The following TANC1 variants were observed in gnomAD, a reference collection of about 807,000 sequenced individuals.
TANC1 encodes protein TANC1.
In TANC1, 77 loss-of-function variants were observed where a neutral mutation model predicts 149.7. The observed-to-expected ratio is 0.51, with a 90% CI of 0.43 to 0.62. The LOEUF is 0.62. Among genes scored for constraint, TANC1 ranks in the 20% least tolerant of loss-of-function variants. The pLI is 0.00. For missense variants in TANC1, 1,985 were observed against 2,321.8 expected, an observed-to-expected ratio of 0.85 and a Z score of 2.98; for synonymous variants, 854 against 925.0, an observed-to-expected ratio of 0.92 and a Z score of 1.39.
intron 4 of TANC1, among the ~76,000 whole-genome samples, chr2:159,100,982 T>C (rs963544166): frequency 2.0e-5 from 3 of 152,180 alleles, no homozygotes; most frequent in Non-Finnish European, 4.4e-5. Context: ...CAATACAGTG[T>C]GTCTGCAGCA....
chr2:159,009,463 G>C (rs1367930238), intron 2 of TANC1, among the ~76,000 whole-genome samples: 3 of 152,184 alleles, frequency 2.0e-5, no homozygotes, highest in Admixed American at 6.5e-5. Context: ...TGAGGTTGGA[G>C]GACACTATGT....
intron 2 of TANC1, among the ~76,000 whole-genome samples, chr2:159,057,206 T>A (rs982265998): frequency 1.3e-5 from 2 of 152,336 alleles, no homozygotes; most frequent in South Asian, 4.1e-4. Context: ...TGAGCCACCA[T>A]GCCCAGCCAG....
At chr2:159,078,740 G>A (rs1343293374) in intron 3 of TANC1, among the ~76,000 whole-genome samples, 1 of 152,180 alleles carries the variant, frequency 6.6e-6, no homozygotes, top group Non-Finnish European at 1.5e-5. Context: ...TCTGGAAGCA[G>A]CATCTTAAGG....
intron 5 of TANC1, among the ~76,000 whole-genome samples, chr2:159,137,291 T>C (rs2050862947): frequency 6.6e-6 from 1 of 152,020 alleles, no homozygotes; most frequent in South Asian, 2.1e-4. Context: ...GACAATATAC[T>C]GGAGTGGTGG....
At chr2:159,086,094 T>C (rs973277181) in intron 3 of TANC1, among the ~76,000 whole-genome samples, 1 of 152,172 alleles carries the variant, frequency 6.6e-6, no homozygotes, top group Non-Finnish European at 1.5e-5. Context: ...ACTATTAACA[T>C]AGACGTGACA....
chr2:159,208,919 T>C (rs185763477), intron 19 of TANC1, among the ~76,000 whole-genome samples: 42 of 152,388 alleles, frequency 2.8e-4, no homozygotes, highest in African/African-American at 9.6e-4. Context: ...CATATTGCTG[T>C]ACTGAATACT....
At chr2:159,099,579 C>CTG (rs1272823794) in intron 4 of TANC1, among the ~76,000 whole-genome samples, 7 of 151,098 alleles carry the variant, frequency 4.6e-5, no homozygotes, top group Non-Finnish European at 8.9e-5. Context: ...TCTCCTAGGT[C>CTG]TGTGTGTGTG....
chr2:159,137,973 T>C (rs969342313), intron 5 of TANC1, among the ~76,000 whole-genome samples: 4 of 152,228 alleles, frequency 2.6e-5, no homozygotes, highest in Non-Finnish European at 2.9e-5. Context: ...TTATAAATAG[T>C]TCCTATTGTT....
chr2:158,970,531 C>T (rs921178950), intron 1 of TANC1, among the ~76,000 whole-genome samples: 38 of 152,154 alleles, frequency 2.5e-4, no homozygotes, highest in African/African-American at 8.9e-4. Context: ...AGGGACCTTC[C>T]CTAGAGTATG....
intron 1 of TANC1, among the ~76,000 whole-genome samples, chr2:158,985,534 A>C (rs1573964239): frequency 6.6e-6 from 1 of 152,214 alleles, no homozygotes; most frequent in East Asian, 1.9e-4. Flanking sequence ...CATAGTGCCA[A>C]AGGTGGACTG....
rs113855924 is a variant in TANC1, at chr2:159,033,677, C to T, written c.-15-32219C>T. Among the ~76,000 whole-genome samples the T allele has an allele frequency of 2.6e-4, 40 of 152,252 alleles. 1 individual carries two copies. The highest frequency in any genetic ancestry group is 8.9e-4 in the African/African-American group (37 of 41,542). ...AGCAAGCAGGTATTCCTAAGAATGA[C>T]GGGACATGGGAGTGACAATAGGGTT... On this transcript the variant is annotated intron_variant, in intron 2 of 26. Coordinates refer to ENST00000263635, the MANE Select transcript of TANC1 (RefSeq NM_033394.3).
At position 159,205,191 on chromosome 2, in the gene TANC1, C is replaced by T. The variant is rs142272541; in HGVS notation, c.3244+6138C>T. Among the ~76,000 whole-genome samples the T allele has an allele frequency of 3.0e-4, 46 of 152,324 alleles. No homozygotes were observed. In the East Asian group the frequency reaches 7.9e-3, roughly 26 times the overall value. On this transcript the variant is annotated intron_variant, in intron 19 of 26. Coordinates refer to ENST00000263635, the MANE Select transcript of TANC1 (RefSeq NM_033394.3). ...ACTGCTTTCCTTTCCCCTTTTGTGGCTCTTTTGGCTTCAGTCACAGGGAGG... is the reference window on the plus strand; with the variant it reads ...ACTGCTTTCCTTTCCCCTTTTGTGGTTCTTTTGGCTTCAGTCACAGGGAGG...
intron 4 of TANC1, among the ~76,000 whole-genome samples, chr2:159,134,342 T>TC (rs2050426264): frequency 6.6e-6 from 1 of 152,196 alleles, no homozygotes; most frequent in South Asian, 2.1e-4. Context: ...TTTCACCCTG[T>TC]CGCCCAGGCT....
Position 159,034,920 on chromosome 2 carries a change from C to T in TANC1, c.-15-30976C>T, listed in dbSNP as rs557870576. Reference sequence around the variant, plus strand: ...TGTCACGTTGTTTAGCCTCTCTGGGCCTCACATTGTAGTCAAAGCAGTGTT... The same window carrying T: ...TGTCACGTTGTTTAGCCTCTCTGGGTCTCACATTGTAGTCAAAGCAGTGTT... On this transcript the variant is annotated intron_variant, in intron 2 of 26. Coordinates refer to ENST00000263635, the MANE Select transcript of TANC1 (RefSeq NM_033394.3). Among the ~76,000 whole-genome samples the T allele has an allele frequency of 7.2e-5, 11 of 152,322 alleles. No individual in the cohort carries two copies. In the South Asian group the frequency reaches 1.9e-3, roughly 26 times the overall value.
chr2:159,174,783 T>C (rs1559394499), intron 11 of TANC1, among the ~76,000 whole-genome samples, 170 bp from the exon 12 acceptor site: 1 of 152,064 alleles, frequency 6.6e-6, no homozygotes, highest in African/African-American at 2.4e-5. Context: ...ACCACATAAG[T>C]GAAGGAAGGA....
At chr2:159,013,623 A>G (rs752917420) in intron 2 of TANC1, among the ~76,000 whole-genome samples, 1 of 152,220 alleles carries the variant, frequency 6.6e-6, no homozygotes, top group Non-Finnish European at 1.5e-5. Flanking sequence ...TGCCTGACAC[A>G]GTACCGACGG....
intron 4 of TANC1, among the ~76,000 whole-genome samples, chr2:159,116,270 C>CA (rs1461521812): frequency 1.3e-5 from 2 of 151,792 alleles, no homozygotes; most frequent in Non-Finnish European, 2.9e-5. Context: ...ACTAAAAATA[C>CA]AAAAAAATTA....
At chr2:159,080,462 G>A (rs973538531) in intron 3 of TANC1, among the ~76,000 whole-genome samples, 1 of 152,164 alleles carries the variant, frequency 6.6e-6, no homozygotes, top group Non-Finnish European at 1.5e-5. Context: ...ATCAGAAGGT[G>A]GATAGATCTT....
intron 18 of TANC1, among the ~76,000 whole-genome samples, chr2:159,198,122 T>G (rs1350685088): frequency 6.6e-6 from 1 of 152,246 alleles, no homozygotes; most frequent in Non-Finnish European, 1.5e-5. Context: ...TCATTTCCTC[T>G]GTCCTCTGAC....
Sources: allele counts gnomAD v4.1 joint callset (sites outside exome capture counted in the v4.1 genomes callset), GRCh38; gene constraint gnomAD v4.1.1; transcripts MANE v1.5; gene names NCBI Gene and HGNC (gene_info 2026-07-23, HGNC 2026-07-21).